The following PID1 variants were observed in gnomAD, a reference collection of about 807,000 sequenced individuals.
PID1 encodes the protein phosphotyrosine interaction domain containing 1, also known as PTB-containing, cubilin and LRP1-interacting protein.
Under a neutral mutation model 19.1 loss-of-function variants are expected in PID1, and 10 were observed. The observed-to-expected ratio is 0.52, with a 90% confidence interval of 0.32 to 0.89. The LOEUF is 0.89. Among genes scored for constraint, PID1 ranks in the 40% least tolerant of loss-of-function variants. The pLI is 0.03. For synonymous variants in PID1, 130 were observed against 116.0 expected, an observed-to-expected ratio of 1.12 and a Z score of -0.78; for missense variants, 248 against 285.3, an observed-to-expected ratio of 0.87 and a Z score of 0.94.
At chr2:229,255,938 G>C (rs1040773975) in intron 1 of PID1, among the ~76,000 whole-genome samples, 1 of 152,188 alleles carries the variant, frequency 6.6e-6, no homozygotes, top group African/African-American at 2.4e-5. Flanking sequence ...GCACCTGCAG[G>C]TGGGCTGCGA....
chr2:229,061,944 C>T (rs1373798515), intron 2 of PID1, among the ~76,000 whole-genome samples: 1 of 151,840 alleles, frequency 6.6e-6, no homozygotes, highest in Non-Finnish European at 1.5e-5. Flanking sequence ...TATTTTTTAT[C>T]CTGAAACTTT....
At chr2:229,049,863 C>T (rs1693955762) in intron 2 of PID1, among the ~76,000 whole-genome samples, 1 of 152,118 alleles carries the variant, frequency 6.6e-6, no homozygotes, top group African/African-American at 2.4e-5. Context: ...GCTGCCTTTT[C>T]CCAGAAGCAT....
chr2:229,025,810 G>A lies in PID1; in HGVS notation c.476C>T (p.Ser159Phe). ...CACGGCGTGGCAGTCCATCTGGTAGGACAGGTCATCATTGATCTCCCTGTA... is the reference window on the plus strand; with the variant it reads ...CACGGCGTGGCAGTCCATCTGGTAGAACAGGTCATCATTGATCTCCCTGTA... ...WVYREINDDLSYQMDCHAVEC... is the reference protein window; with the variant it reads ...WVYREINDDLFYQMDCHAVEC... Residue 159 changes from serine (S) to phenylalanine (F), a missense_variant, in exon 3 of 3, where the codon TCC (serine) becomes TTC (phenylalanine). Coordinates refer to ENST00000392055, the MANE Select transcript of PID1 (RefSeq NM_001100818.2). 10 of 1,614,212 alleles carry A rather than the reference G, an allele frequency of 6.2e-6. No homozygotes were observed. Among genetic ancestry groups the A allele is most frequent in the Non-Finnish European group, 8.5e-6 (10 of 1,180,044 alleles).
chr2:229,214,734 A>C (rs944927063), intron 1 of PID1, among the ~76,000 whole-genome samples: 8 of 152,088 alleles, frequency 5.3e-5, no homozygotes, highest in African/African-American at 1.9e-4. Context: ...AACCACCATC[A>C]GTAGGGTTTT....
intron 1 of PID1, among the ~76,000 whole-genome samples, chr2:229,213,413 T>G (rs982494409): frequency 2.0e-5 from 3 of 152,192 alleles, no homozygotes; most frequent in African/African-American, 7.2e-5. Flanking sequence ...GCATCCAAGG[T>G]TGGCTTTTTC....
intron 2 of PID1, among the ~76,000 whole-genome samples, chr2:229,033,177 T>G (rs897076366): frequency 3.3e-5 from 5 of 152,146 alleles, no homozygotes; most frequent in Admixed American, 6.5e-5. Flanking sequence ...CACGCTAGAC[T>G]GGAGAGTGGG....
At chr2:229,216,825 A>G (rs1304417028) in intron 1 of PID1, among the ~76,000 whole-genome samples, 1 of 152,172 alleles carries the variant, frequency 6.6e-6, no homozygotes, top group African/African-American at 2.4e-5. Context: ...CTGTCCTTTT[A>G]ATTTTCAAAA....
intron 2 of PID1, among the ~76,000 whole-genome samples, chr2:229,075,891 G>T (rs986596974): frequency 3.3e-5 from 5 of 152,076 alleles, no homozygotes; most frequent in Non-Finnish European, 5.9e-5. Flanking sequence ...TTTTAAATCA[G>T]AATCTCTTCT....
At chr2:229,026,312 T>C (rs1693421927) in intron 2 of PID1, among the ~76,000 whole-genome samples, 1 of 152,228 alleles carries the variant, frequency 6.6e-6, no homozygotes, top group African/African-American at 2.4e-5. Context: ...TGTATTGAAA[T>C]TATTTGAATA....
At chr2:229,148,874 G>C (rs951642797) in intron 2 of PID1, among the ~76,000 whole-genome samples, 1 of 152,050 alleles carries the variant, frequency 6.6e-6, no homozygotes, top group Admixed American at 6.6e-5. Context: ...ACAAAGGTTA[G>C]CTCATATAAA....
chr2:229,089,872 G>A (rs1017439638), intron 2 of PID1, among the ~76,000 whole-genome samples: 3 of 152,144 alleles, frequency 2.0e-5, no homozygotes, highest in Admixed American at 6.5e-5. Flanking sequence ...CTCCATAGTA[G>A]ATAAATGAGG....
intron 2 of PID1, among the ~76,000 whole-genome samples, chr2:229,127,419 C>T (rs572036648): frequency 6.6e-6 from 1 of 152,276 alleles, no homozygotes; most frequent in African/African-American, 2.4e-5. Context: ...ATAAACTTAT[C>T]GGCCACCAGC....
intron 2 of PID1, among the ~76,000 whole-genome samples, chr2:229,123,721 G>A (rs552258989): frequency 6.6e-6 from 1 of 152,154 alleles, no homozygotes; most frequent in Non-Finnish European, 1.5e-5. Context: ...TGGGTATAAA[G>A]GAGTACCTCA....
chr2:229,247,472 T>C (rs949806199), intron 1 of PID1, among the ~76,000 whole-genome samples: 7 of 152,174 alleles, frequency 4.6e-5, no homozygotes, highest in East Asian at 1.9e-4. Context: ...TACAACTAAA[T>C]TGCTGTAGGA....
At chr2:229,224,559 C>G (rs190333853) in intron 1 of PID1, among the ~76,000 whole-genome samples, 3 of 152,260 alleles carry the variant, frequency 2.0e-5, no homozygotes, top group African/African-American at 7.2e-5. Flanking sequence ...TTTATTCAAA[C>G]ATTTTCCTTC....
intron 2 of PID1, among the ~76,000 whole-genome samples, chr2:229,089,739 CT>C: frequency 6.6e-6 from 1 of 152,280 alleles, no homozygotes; most frequent in Admixed American, 6.5e-5. Flanking sequence ...GAAAGGGAGT[CT>C]TTGTTTCTCA....
intron 2 of PID1, among the ~76,000 whole-genome samples, chr2:229,117,727 T>A (rs1270825544): frequency 6.6e-6 from 1 of 152,112 alleles, no homozygotes; most frequent in African/African-American, 2.4e-5. Flanking sequence ...CATGACAAGA[T>A]CCTTGCTGCC....
At chr2:229,205,375 T>A (rs573038322) in intron 1 of PID1, among the ~76,000 whole-genome samples, 1 of 152,262 alleles carries the variant, frequency 6.6e-6, no homozygotes, top group South Asian at 2.1e-4. Flanking sequence ...TATTTTTCAT[T>A]TCCTAGACTC....
chr2:229,168,152 A>G (rs528713970), intron 1 of PID1, among the ~76,000 whole-genome samples: 1 of 152,256 alleles, frequency 6.6e-6, no homozygotes, highest in South Asian at 2.1e-4. Flanking sequence ...AGCTTGTTTC[A>G]GTATTTGTCA....
Sources: gnomAD v4.1 joint callset for allele counts (sites outside exome capture counted in the v4.1 genomes callset) on GRCh38, gnomAD v4.1.1 for gene constraint, MANE v1.5 for transcripts, NCBI Gene and HGNC (gene_info 2026-07-23, HGNC 2026-07-21) for gene names.